Variants in RHOT1 observed in about 807,000 individuals in gnomAD.
RHOT1 encodes mitochondrial Rho GTPase 1.
A neutral mutation model predicts 95.3 loss-of-function variants in RHOT1; 27 were observed. The observed-to-expected ratio is 0.28, with a 90% CI of 0.21 to 0.39. RHOT1 has a LOEUF of 0.39. Among genes scored for constraint, RHOT1 ranks in the 10% least tolerant of loss-of-function variants. The pLI is 1.00. For missense variants in RHOT1, 578 were observed against 786.7 expected, an observed-to-expected ratio of 0.73 and a Z score of 3.17; for synonymous variants, 227 against 263.5, an observed-to-expected ratio of 0.86 and a Z score of 1.34.
At chr17:32,211,368 A>T (rs2038123725) in intron 19 of RHOT1, 130 bp downstream of exon 19, 8 of 743,936 alleles carry the variant, frequency 1.1e-5, no homozygotes, top group Non-Finnish European at 1.6e-5. Flanking sequence ...TTCCACTAAA[A>T]TTCTCACTGT....
intron 1 of RHOT1, among the ~76,000 whole-genome samples, chr17:32,145,698 C>T (rs1366891896): frequency 6.6e-6 from 1 of 152,104 alleles, no homozygotes; most frequent in East Asian, 1.9e-4. Context: ...GAAAATATCT[C>T]AGATTCTGCT....
chr17:32,157,314 C>T (rs73286103), intron 1 of RHOT1, among the ~76,000 whole-genome samples: 1,726 of 152,198 alleles, frequency 0.011, 35 homozygotes, highest in African/African-American at 0.039. Flanking sequence ...CACTGTTATT[C>T]AACAGTAAAC....
At chr17:32,182,943 T>C (rs2035756904) in intron 7 of RHOT1, 78 bp downstream of exon 7, 5 of 930,316 alleles carry the variant, frequency 5.4e-6, no homozygotes, top group East Asian at 2.5e-5. Context: ...GGGGGGACAA[T>C]GTGGGATGGA....
chr17:32,206,192 CTTTTTTTTTT>C (rs71144812), intron 16 of RHOT1, among the ~76,000 whole-genome samples: 31 of 60,520 alleles, frequency 5.1e-4, no homozygotes, highest in African/African-American at 1.5e-3. Context: ...TCCATAGAAT[CTTTTTTTTTT>C]TTTTTTTTTT....
chr17:32,159,107 C>A (rs1371490876), intron 1 of RHOT1, among the ~76,000 whole-genome samples: 2 of 152,196 alleles, frequency 1.3e-5, no homozygotes, highest in Non-Finnish European at 2.9e-5. Flanking sequence ...TCTCAGGAGC[C>A]CATGAGCACC....
intron 6 of RHOT1, among the ~76,000 whole-genome samples, chr17:32,177,636 T>C (rs2142574197): frequency 6.7e-6 from 1 of 150,270 alleles, no homozygotes; most frequent in African/African-American, 2.5e-5. Flanking sequence ...GCGCCTGTAG[T>C]CCCAGCTACT....
At chr17:32,168,157 T>C (rs2034256372) in intron 1 of RHOT1, among the ~76,000 whole-genome samples, 1 of 151,740 alleles carries the variant, frequency 6.6e-6, no homozygotes, top group African/African-American at 2.4e-5. Flanking sequence ...TCACTGACAA[T>C]ACACCTGGTC....
In RHOT1 at chr17:32,142,907, T is replaced by C. The variant is rs2030596717; in HGVS notation, c.37+178T>C. 12 of 739,378 alleles carry C rather than the reference T, an allele frequency of 1.6e-5. No individual in the cohort carries two copies. The East Asian group carries it at 3.2e-4, about 20-fold the overall frequency. The allele number at this position is 739,378 out of a possible 1,614,324, so 45.8% of individuals were successfully genotyped here. A position where few individuals can be genotyped will look rare whatever the true frequency, so the allele number is the denominator to read the frequency against. ...CTTCCAGCCCCTTCACTCTTCTCTT[T>C]TGGCTGGCCGCCGGCGGCCCTCACC... is the stretch of plus-strand genomic sequence containing the variant. On this transcript the variant is annotated intron_variant, in intron 1 of 19. Transcript: ENST00000545287.
intron 6 of RHOT1, among the ~76,000 whole-genome samples, chr17:32,181,665 G>A (rs1369217834): frequency 6.6e-6 from 1 of 152,086 alleles, no homozygotes. Flanking sequence ...CTCCCATTGA[G>A]ATCATTTTGA....
At position 32,142,521 on chromosome 17, in the gene RHOT1, G is replaced by A. The variant is rs1474914702; in HGVS notation, c.-172G>A. On this transcript the variant is annotated 5_prime_UTR_variant, in exon 1 of 20. Transcript: ENST00000545287. ...GCCGCCACAGCCCGCTGGGCCGGAGGAGGCGGAGCTGGCGCTGTCCCGGCT... is the reference window on the plus strand; with the variant it reads ...GCCGCCACAGCCCGCTGGGCCGGAGAAGGCGGAGCTGGCGCTGTCCCGGCT... 6.3e-6 allele frequency: 3 copies of A among 476,370 alleles called. No individual in the cohort carries two copies. Among genetic ancestry groups the A allele is most frequent in the Non-Finnish European group, 1.0e-5 (3 of 292,090 alleles). 29.5% of individuals were successfully genotyped at this position (476,370 alleles called of 1,614,324 possible).
At chr17:32,180,933 C>T (rs1781079786) in intron 6 of RHOT1, among the ~76,000 whole-genome samples, 1 of 152,200 alleles carries the variant, frequency 6.6e-6, no homozygotes, top group African/African-American at 2.4e-5. Flanking sequence ...AGTCCTTCCG[C>T]CTTGGCCTCC....
intron 1 of RHOT1, among the ~76,000 whole-genome samples, chr17:32,157,010 A>G (rs1274494334): frequency 6.6e-6 from 1 of 152,260 alleles, no homozygotes; most frequent in Non-Finnish European, 1.5e-5. Context: ...CACAGCTAGT[A>G]AGTGCTGGAA....
chr17:32,195,429 A>T (rs1238487409), intron 11 of RHOT1, among the ~76,000 whole-genome samples: 1 of 151,986 alleles, frequency 6.6e-6, no homozygotes, highest in Non-Finnish European at 1.5e-5. Flanking sequence ...TTTTCCTTTG[A>T]TAATGCTGTG....
At chr17:32,154,432 A>G (rs2142395048) in intron 1 of RHOT1, among the ~76,000 whole-genome samples, 1 of 151,526 alleles carries the variant, frequency 6.6e-6, no homozygotes, top group African/African-American at 2.4e-5. Context: ...AAAAAATACA[A>G]AAAAATTAGC....
chr17:32,189,982 A>G (rs946518731), intron 8 of RHOT1, among the ~76,000 whole-genome samples: 2 of 151,966 alleles, frequency 1.3e-5, no homozygotes, highest in African/African-American at 4.8e-5. Context: ...GCTTCCCGAA[A>G]GTGTGTGAGC....
chr17:32,182,972 G>T, intron 7 of RHOT1, 107 bp downstream of exon 7: 1 of 813,906 alleles, frequency 1.2e-6, no homozygotes, highest in South Asian at 1.9e-5. Flanking sequence ...CCTGCTATTT[G>T]TGAAGTCACG....
intron 1 of RHOT1, among the ~76,000 whole-genome samples, chr17:32,167,357 C>T (rs183752911): frequency 1.4e-3 from 216 of 150,032 alleles, no homozygotes; most frequent in African/African-American, 4.9e-3. Flanking sequence ...GACGGAGTCT[C>T]GCTCTGTCGC....
intron 1 of RHOT1, among the ~76,000 whole-genome samples, chr17:32,161,718 A>T (rs776943723): frequency 2.6e-5 from 4 of 152,208 alleles, no homozygotes; most frequent in Non-Finnish European, 5.9e-5. Context: ...TTACTGTCAT[A>T]ATTTTGCAAA....
intron 19 of RHOT1, among the ~76,000 whole-genome samples, chr17:32,213,882 G>A (rs1266203388): frequency 6.6e-6 from 1 of 152,242 alleles, no homozygotes; most frequent in African/African-American, 2.4e-5. Context: ...ATACTATTGT[G>A]CATAGTAAAT....
Sources: allele counts gnomAD v4.1 joint callset (sites outside exome capture counted in the v4.1 genomes callset), GRCh38; gene constraint gnomAD v4.1.1; transcripts MANE v1.5; gene names NCBI Gene and HGNC (gene_info 2026-07-23, HGNC 2026-07-21).